Variants in PPFIBP1 observed in about 807,000 individuals in gnomAD.
The protein encoded by PPFIBP1 is PPFIB scaffold protein 1.
In PPFIBP1, 112 loss-of-function variants were observed where a neutral mutation model predicts 137.8. The ratio of observed to expected loss-of-function variants is 0.81; its 90% confidence interval spans 0.70 to 0.95. PPFIBP1 has a LOEUF of 0.95. PPFIBP1 is among the 40% of genes least tolerant of loss of function. PPFIBP1 has a pLI of 0.00. For synonymous variants in PPFIBP1, 378 were observed against 417.3 expected (o/e 0.91, Z 1.15); for missense variants, 1,083 against 1,196.6 (o/e 0.91, Z 1.40).
chr12:27,682,284 T>C (rs1467321530), intron 22 of PPFIBP1, 103 bp from the exon 23 acceptor site: 2 of 799,448 alleles, frequency 2.5e-6, no homozygotes, highest in East Asian at 4.9e-5. Flanking sequence ...CAGTATTGAA[T>C]TGGGTCTTTA....
At chr12:27,689,303 G>A in intron 27 of PPFIBP1, 100 bp downstream of exon 27, 1 of 1,191,498 alleles carries the variant, frequency 8.4e-7, no homozygotes, top group Non-Finnish European at 1.1e-6. Context: ...TAAGTTTTGT[G>A]GGTGGGTTCC....
chr12:27,581,920 G>A (rs2136986303), intron 2 of PPFIBP1, among the ~76,000 whole-genome samples: 1 of 151,690 alleles, frequency 6.6e-6, no homozygotes, highest in South Asian at 2.1e-4. Context: ...CCATCAGATA[G>A]AGATTTAGTT....
At chr12:27,634,272 C>A (rs2057492059) in intron 3 of PPFIBP1, among the ~76,000 whole-genome samples, 1 of 150,936 alleles carries the variant, frequency 6.6e-6, no homozygotes, top group African/African-American at 2.4e-5. Flanking sequence ...TGTGCTCAAG[C>A]AATCTTCACA....
chr12:27,585,723 CCTG>C (rs2051662524), intron 2 of PPFIBP1, among the ~76,000 whole-genome samples: 1 of 152,192 alleles, frequency 6.6e-6, no homozygotes, highest in South Asian at 2.1e-4. Context: ...TTAATTCCAA[CCTG>C]CTCTGTTCTA....
chr12:27,561,865 A>G lies in PPFIBP1; in HGVS notation c.-123-16287A>G, dbSNP rs544349099. On this transcript the variant is annotated intron_variant, in intron 1 of 29. Coordinates refer to ENST00000228425, the MANE Select transcript of PPFIBP1 (RefSeq NM_003622.4). Reference sequence around the variant, plus strand: ...CAACACCAGGCTGGGCAACATAGTGATAGCCCATCTGTACAAAAAAAAATT... The same window carrying G: ...CAACACCAGGCTGGGCAACATAGTGGTAGCCCATCTGTACAAAAAAAAATT... 2.2e-4 allele frequency among the ~76,000 whole-genome samples: 33 copies of G among 152,178 alleles called. No homozygotes were observed. In the South Asian group the frequency reaches 6.0e-3, roughly 28 times the overall value.
chr12:27,689,761 G>A (rs189563032), intron 27 of PPFIBP1, among the ~76,000 whole-genome samples: 1 of 152,084 alleles, frequency 6.6e-6, no homozygotes, highest in Non-Finnish European at 1.5e-5. Context: ...TGCGTGGGCC[G>A]GGTGTTGGCT....
At chr12:27,558,706 G>C (rs1218531524) in intron 1 of PPFIBP1, among the ~76,000 whole-genome samples, 1 of 152,072 alleles carries the variant, frequency 6.6e-6, no homozygotes, top group Non-Finnish European at 1.5e-5. Context: ...ATAAAGAATG[G>C]TGTTTAAATG....
intron 2 of PPFIBP1, among the ~76,000 whole-genome samples, chr12:27,622,023 T>C (rs2056390052): frequency 6.6e-6 from 1 of 152,130 alleles, no homozygotes; most frequent in Non-Finnish European, 1.5e-5. Context: ...CCAGAAATGG[T>C]TTTTGTGTCA....
chr12:27,590,579 C>T (rs1288726127), intron 2 of PPFIBP1, among the ~76,000 whole-genome samples: 1 of 152,098 alleles, frequency 6.6e-6, no homozygotes, highest in Admixed American at 6.5e-5. Flanking sequence ...CTGAAAAGTA[C>T]AAATCATGGC....
intron 2 of PPFIBP1, chr12:27,608,720 A>G: frequency 5.5e-6 from 2 of 363,714 alleles, no homozygotes; most frequent in South Asian, 4.5e-5. Context: ...CCGATAAAAC[A>G]TAGTGTATGA....
chr12:27,617,886 A>T (rs1170043695), intron 2 of PPFIBP1, among the ~76,000 whole-genome samples: 1 of 152,190 alleles, frequency 6.6e-6, no homozygotes, highest in Non-Finnish European at 1.5e-5. Context: ...GACTATATTG[A>T]TCATTTAGTA....
At position 27,688,068 on chromosome 12, in the gene PPFIBP1, G is replaced by A. The variant is rs2061306224; in HGVS notation, c.2371-230G>A. ...ACCACTGCAACGCCAGCGTGGGTAA[G>A]AGAATTAGACCCTGTCTTAAAAAAA... is the stretch of plus-strand genomic sequence containing the variant. On this transcript the variant is annotated intron_variant, in intron 25 of 29. Coordinates refer to ENST00000228425, the MANE Select transcript of PPFIBP1 (RefSeq NM_003622.4). 5 of 436,852 alleles carry A rather than the reference G, an allele frequency of 1.1e-5. No individual in the cohort carries two copies. The South Asian group carries it at 1.6e-4, about 14-fold the overall frequency. The allele number at this position is 436,852 out of a possible 1,614,324, so 27.1% of individuals were successfully genotyped here.
At chr12:27,685,694 C>A (rs2061163255) in intron 24 of PPFIBP1, among the ~76,000 whole-genome samples, 1 of 152,136 alleles carries the variant, frequency 6.6e-6, no homozygotes, top group South Asian at 2.1e-4. Flanking sequence ...AAGGACCTTA[C>A]TGGACAAACT....
chr12:27,639,374 C>T (rs1217448589), intron 4 of PPFIBP1, among the ~76,000 whole-genome samples: 2 of 152,174 alleles, frequency 1.3e-5, no homozygotes, highest in African/African-American at 4.8e-5. Flanking sequence ...AAAAATACGT[C>T]TAATTGTTTG....
chr12:27,530,207 G>A (rs1944261437), intron 1 of PPFIBP1, among the ~76,000 whole-genome samples: 1 of 152,184 alleles, frequency 6.6e-6, no homozygotes, highest in Admixed American at 6.5e-5. Flanking sequence ...TCTTTTGTTT[G>A]CATTGGAATT....
In PPFIBP1 at chr12:27,687,256, T is replaced by G. The variant is rs1360009262; in HGVS notation, c.2248-129T>G. ...TTGTTCCAAATGGGAAAGTGGGTTC[T>G]GACAAGACCTTGGGGCATATTGGTT... On this transcript the variant is annotated intron_variant, in intron 24 of 29. Coordinates refer to ENST00000228425, the MANE Select transcript of PPFIBP1 (RefSeq NM_003622.4). 1.5e-5 allele frequency: 17 copies of G among 1,115,638 alleles called. No homozygotes were observed. The East Asian group carries it at 4.6e-4, about 30-fold the overall frequency. The allele number at this position is 1,115,638 out of a possible 1,614,324, so 69.1% of individuals were successfully genotyped here.
chr12:27,587,972 C>T (rs1031501110), intron 2 of PPFIBP1, among the ~76,000 whole-genome samples: 3 of 152,180 alleles, frequency 2.0e-5, no homozygotes, highest in Non-Finnish European at 4.4e-5. Context: ...TATGAACTCT[C>T]TTGTCTCCCT....
chr12:27,639,850 G>T (rs1337694140), intron 4 of PPFIBP1, among the ~76,000 whole-genome samples: 1 of 152,168 alleles, frequency 6.6e-6, no homozygotes, highest in Non-Finnish European at 1.5e-5. Flanking sequence ...CATGCTCTCT[G>T]CAGGGCTGCT....
chr12:27,576,519 C>T (rs561163173), intron 1 of PPFIBP1, among the ~76,000 whole-genome samples: 3 of 152,298 alleles, frequency 2.0e-5, no homozygotes, highest in African/African-American at 4.8e-5. Flanking sequence ...CTGCTCATTA[C>T]GTTCCAGAGC....
Sources: gnomAD v4.1 joint callset for allele counts (sites outside exome capture counted in the v4.1 genomes callset) on GRCh38, gnomAD v4.1.1 for gene constraint, MANE v1.5 for transcripts, NCBI Gene and HGNC (gene_info 2026-07-23, HGNC 2026-07-21) for gene names.